The following KLHL1 variants were observed in gnomAD, a reference collection of about 807,000 sequenced individuals.
The protein encoded by KLHL1 is kelch-like protein 1.
A neutral mutation model predicts 77.7 loss-of-function variants in KLHL1; 47 were observed. The ratio of observed to expected loss-of-function variants is 0.60; its 90% CI spans 0.48 to 0.77. The LOEUF is 0.77. KLHL1 is among the 30% of genes least tolerant of loss of function. The probability of loss-of-function intolerance (pLI) is 0.00; values close to 1 mark genes in which losing one functional copy is unlikely to be tolerated. For missense variants in KLHL1, 925 were observed against 910.8 expected (o/e 1.02, Z -0.20); for synonymous variants, 360 against 325.2 (o/e 1.11, Z -1.15).
chr13:69,934,989 TGTATATATATAC>T (rs1329335370), intron 4 of KLHL1, among the ~76,000 whole-genome samples: 5 of 134,510 alleles, frequency 3.7e-5, no homozygotes, highest in African/African-American at 1.6e-4. Flanking sequence ...TATATATATA[TGTATATATATAC>T]ATATTATCAT....
chr13:69,993,710 T>C (rs1885082083), intron 1 of KLHL1, among the ~76,000 whole-genome samples: 1 of 152,076 alleles, frequency 6.6e-6, no homozygotes, highest in Non-Finnish European at 1.5e-5. Context: ...GCCTTATTAT[T>C]TAATTTGTTC....
chr13:69,898,525 A>G (rs1314644613), intron 4 of KLHL1, among the ~76,000 whole-genome samples: 4 of 152,160 alleles, frequency 2.6e-5, no homozygotes, highest in Non-Finnish European at 5.9e-5. Context: ...GTCACCACCA[A>G]TGAGACCCTT....
chr13:70,073,216 T>C (rs1200560408), intron 1 of KLHL1, among the ~76,000 whole-genome samples: 1 of 152,056 alleles, frequency 6.6e-6, no homozygotes, highest in African/African-American at 2.4e-5. Context: ...CACCATAGAA[T>C]ACTATGCGGC....
intron 1 of KLHL1, among the ~76,000 whole-genome samples, chr13:70,070,718 C>G (rs907556933): frequency 5.9e-5 from 9 of 151,978 alleles, no homozygotes; most frequent in Non-Finnish European, 1.0e-4. Flanking sequence ...CTATTAATAA[C>G]AGCAACACTG....
chr13:70,052,420 A>G (rs1049072350), intron 1 of KLHL1, among the ~76,000 whole-genome samples: 11 of 151,904 alleles, frequency 7.2e-5, no homozygotes, highest in African/African-American at 1.2e-4. Context: ...AGAAAGAGAC[A>G]TCTGTTTTGA....
chr13:69,701,611 G>A lies in KLHL1; in HGVS notation c.*91C>T, dbSNP rs544466776. On this transcript the variant is annotated 3_prime_UTR_variant, in exon 11 of 11. Coordinates refer to ENST00000377844, the MANE Select transcript of KLHL1 (RefSeq NM_020866.3). ...CTACAGAGATCCTTGTTCTTGAAGAGTTTTCATCTCTGGAAGTTCTCATTC... is the reference window on the plus strand; with the variant it reads ...CTACAGAGATCCTTGTTCTTGAAGAATTTTCATCTCTGGAAGTTCTCATTC... 4.6e-6 allele frequency: 4 copies of A among 874,672 alleles called. No homozygotes were observed. The South Asian group carries it at 6.0e-5, about 13-fold the overall frequency. The allele number at this position is 874,672 out of a possible 1,614,324, so 54.2% of individuals were successfully genotyped here.
At chr13:69,810,368 G>A (rs949954345) in intron 6 of KLHL1, among the ~76,000 whole-genome samples, 8 of 151,914 alleles carry the variant, frequency 5.3e-5, no homozygotes, top group Non-Finnish European at 1.2e-4. Flanking sequence ...AATAAAAACA[G>A]ACATAAACAC....
chr13:69,703,176 G>A (rs538648456), intron 10 of KLHL1, among the ~76,000 whole-genome samples: 10 of 151,694 alleles, frequency 6.6e-5, no homozygotes, highest in Admixed American at 5.9e-4. Context: ...ATATACAATG[G>A]TGGTCCCATA....
chr13:70,003,399 T>C (rs1871954447), intron 1 of KLHL1, among the ~76,000 whole-genome samples: 1 of 151,568 alleles, frequency 6.6e-6, no homozygotes, highest in Non-Finnish European at 1.5e-5. Flanking sequence ...AGGAGAAAAA[T>C]ATTTTCAATG....
chr13:70,057,469 C>CAAAAAAA (rs56235725), intron 1 of KLHL1, among the ~76,000 whole-genome samples: 40 of 87,086 alleles, frequency 4.6e-4, no homozygotes, highest in African/African-American at 1.6e-3. Context: ...AAAGACACAT[C>CAAAAAAA]AAAAAAAAAA....
chr13:69,793,056 A>T (rs1876938675), intron 7 of KLHL1, among the ~76,000 whole-genome samples: 1 of 152,082 alleles, frequency 6.6e-6, no homozygotes, highest in Non-Finnish European at 1.5e-5. Context: ...TTGAAACCAA[A>T]CTAAAAGCAG....
chr13:69,940,388 T>C (rs1427293090), intron 3 of KLHL1, 152 bp from the exon 4 acceptor site: 17 of 542,888 alleles, frequency 3.1e-5, no homozygotes, highest in Non-Finnish European at 3.0e-5. Flanking sequence ...AGGTCACCAA[T>C]TGTTTTAAGA....
At chr13:69,706,642 A>T (rs1327091583) in intron 10 of KLHL1, among the ~76,000 whole-genome samples, 1 of 151,798 alleles carries the variant, frequency 6.6e-6, no homozygotes, top group Non-Finnish European at 1.5e-5. Flanking sequence ...GCTGCACTGC[A>T]CTCCTAGATG....
Position 69,701,649 on chromosome 13 carries a change from A to G in KLHL1, c.*53T>C. 7.7e-7 allele frequency: 1 copy of G among 1,297,950 alleles called. No homozygotes were observed. Among genetic ancestry groups the G allele is most frequent in the Non-Finnish European group, 1.1e-6 (1 of 905,170 alleles). The allele number at this position is 1,297,950 out of a possible 1,614,324, so 80.4% of individuals were successfully genotyped here. ...GAAGTTCTCATTCTTGCCATTCAAT[A>G]TAAAAATAACCACTCCAGCAAGTAA... On this transcript the variant is annotated 3_prime_UTR_variant, in exon 11 of 11. Coordinates refer to ENST00000377844, the MANE Select transcript of KLHL1 (RefSeq NM_020866.3).
chr13:69,997,722 A>G (rs1449837758), intron 1 of KLHL1, among the ~76,000 whole-genome samples: 1 of 147,818 alleles, frequency 6.8e-6, no homozygotes, highest in East Asian at 1.9e-4. Flanking sequence ...ACATAAACAT[A>G]TGTATTAATA....
chr13:69,731,500 A>T (rs1026254779), intron 8 of KLHL1, among the ~76,000 whole-genome samples: 1 of 152,118 alleles, frequency 6.6e-6, no homozygotes, highest in Non-Finnish European at 1.5e-5. Context: ...AGCAGTGGTG[A>T]TAGTAGGATT....
chr13:69,851,352 T>C (rs1402177334), intron 5 of KLHL1, among the ~76,000 whole-genome samples: 1 of 151,780 alleles, frequency 6.6e-6, no homozygotes, highest in Admixed American at 6.6e-5. Context: ...CTATAGGAAT[T>C]TGTAGGTCAT....
At chr13:69,737,404 C>G (rs1365345450) in intron 8 of KLHL1, among the ~76,000 whole-genome samples, 1 of 152,224 alleles carries the variant, frequency 6.6e-6, no homozygotes, top group African/African-American at 2.4e-5. Context: ...GCCTCGCTCC[C>G]ACGGAACCCC....
chr13:69,828,857 G>A (rs536542174), intron 6 of KLHL1, among the ~76,000 whole-genome samples: 1 of 149,998 alleles, frequency 6.7e-6, no homozygotes, highest in Non-Finnish European at 1.5e-5. Context: ...TAACTCCATT[G>A]GCCAGAGAAC....
Sources: gnomAD v4.1 joint callset for allele counts (sites outside exome capture counted in the v4.1 genomes callset) on GRCh38, gnomAD v4.1.1 for gene constraint, MANE v1.5 for transcripts, NCBI Gene and HGNC (gene_info 2026-07-23, HGNC 2026-07-21) for gene names.